The following CSGALNACT1 variants were observed in gnomAD, a reference collection of about 807,000 sequenced individuals.
CSGALNACT1 encodes the protein beta4GalNAcT-1.
CSGALNACT1 carries 52 observed loss-of-function variants against 51.0 expected under a neutral mutation model. That is an observed-to-expected ratio of 1.02 (90% CI 0.82 to 1.29). CSGALNACT1 has a LOEUF of 1.29. CSGALNACT1 is among the 50% of genes most tolerant of loss of function. The pLI, the probability that CSGALNACT1 is intolerant of heterozygous loss-of-function variation, is 0.00. For synonymous variants in CSGALNACT1, 341 were observed against 254.4 expected (o/e 1.34, Z -3.24); for missense variants, 935 against 679.2 (o/e 1.38, Z -4.19).
intron 3 of CSGALNACT1, among the ~76,000 whole-genome samples, chr8:19,538,433 T>G (rs1253789172): frequency 6.6e-6 from 1 of 152,060 alleles, no homozygotes; most frequent in Non-Finnish European, 1.5e-5. Context: ...GAAAATCAGC[T>G]AGGAGGCCAA....
At chr8:19,566,579 T>A (rs1342194161) in intron 3 of CSGALNACT1, among the ~76,000 whole-genome samples, 1 of 152,180 alleles carries the variant, frequency 6.6e-6, no homozygotes, top group Non-Finnish European at 1.5e-5. Context: ...AAAAAAGATG[T>A]TTCCGTTTCT....
chr8:19,404,366 T>C (rs764356650), exon 10 of CSGALNACT1: 14 of 453,974 alleles, frequency 3.1e-5, no homozygotes, highest in South Asian at 2.2e-4. Flanking sequence ...AATTAGCTCA[T>C]GCATCTGGTG....
chr8:19,619,564 G>A (rs2053552324), intron 1 of CSGALNACT1, among the ~76,000 whole-genome samples: 1 of 152,156 alleles, frequency 6.6e-6, no homozygotes, highest in Admixed American at 6.5e-5. Context: ...GAGAAGGACT[G>A]GTGCCAGACT....
At chr8:19,415,752 C>G (rs1220692766) in intron 8 of CSGALNACT1, among the ~76,000 whole-genome samples, 2 of 152,250 alleles carry the variant, frequency 1.3e-5, no homozygotes, top group East Asian at 3.9e-4. Flanking sequence ...TTACTTAAAC[C>G]CAAAGGAACT....
chr8:19,460,297 C>T (rs900119287), intron 4 of CSGALNACT1, among the ~76,000 whole-genome samples: 4 of 151,956 alleles, frequency 2.6e-5, no homozygotes, highest in African/African-American at 9.7e-5. Flanking sequence ...GTTTACATAC[C>T]TTTTATTACC....
intron 1 of CSGALNACT1, among the ~76,000 whole-genome samples, chr8:19,713,642 G>C (rs990497757): frequency 6.6e-6 from 1 of 152,138 alleles, no homozygotes; most frequent in African/African-American, 2.4e-5. Flanking sequence ...CTGGACTGCT[G>C]CAGCTGCAAG....
rs150934865 is a variant in CSGALNACT1 at position 19,639,611 on chromosome 8, G to C, written c.-543-37746C>G. Among the ~76,000 whole-genome samples the C allele has an allele frequency of 3.5e-3, 531 of 152,204 alleles. 3 individuals carry two copies. The highest frequency in any genetic ancestry group is 0.012 in the African/African-American group (513 of 41,524). The stretch of plus-strand genomic sequence containing the variant: ...ATGGGTAATGAATATTGAAAACTAT[G>C]TATCATACCAAGTCTTGGGAGTCAG... On this transcript the variant is annotated intron_variant, in intron 1 of 9. Coordinates refer to the CSGALNACT1 transcript ENST00000332246.
intron 1 of CSGALNACT1, among the ~76,000 whole-genome samples, chr8:19,708,512 GC>G (rs1220046305): frequency 7.2e-5 from 11 of 152,316 alleles, no homozygotes; most frequent in African/African-American, 2.6e-4. Context: ...AAATAAAGCA[GC>G]ATAGCTCCAA....
At chr8:19,528,433 T>C (rs2082125839) in intron 3 of CSGALNACT1, among the ~76,000 whole-genome samples, 1 of 152,164 alleles carries the variant, frequency 6.6e-6, no homozygotes, top group East Asian at 1.9e-4. Context: ...TCCATAATTT[T>C]GTCTAAACAC....
rs779435105 is a variant in CSGALNACT1, at chr8:19,406,037, C to T, written c.1342G>A (p.Gly448Arg). 1.2e-4 allele frequency: 194 copies of T among 1,614,094 alleles called. No individual in the cohort carries two copies. Among genetic ancestry groups the T allele is most frequent in the South Asian group, 6.0e-4 (55 of 91,082 alleles). ...TTGCGATAAAGGTGCACATCCTCTC[C>T]GCCCCAGCCTTTGATGTCCAGATCA... Residue 448 changes from glycine to arginine, a missense_variant, in exon 10 of 10, where the codon GGA (glycine) becomes AGA (arginine). Transcript: ENST00000454498.
exon 8 of CSGALNACT1, chr8:19,418,738 A>T: frequency 6.2e-7 from 1 of 1,609,952 alleles, no homozygotes; most frequent in Non-Finnish European, 8.5e-7. Flanking sequence ...AACTGGATAA[A>T]ATACCTTCTT....
intron 4 of CSGALNACT1, among the ~76,000 whole-genome samples, chr8:19,490,516 C>T (rs1184884972): frequency 6.6e-6 from 1 of 152,194 alleles, no homozygotes; most frequent in Non-Finnish European, 1.5e-5. Flanking sequence ...TGACGGAGAA[C>T]ACCAGAACCT....
intron 3 of CSGALNACT1, among the ~76,000 whole-genome samples, chr8:19,507,870 G>A (rs111575947): frequency 1.4e-3 from 214 of 152,250 alleles, no homozygotes; most frequent in African/African-American, 4.9e-3. Context: ...CTTGTGATCC[G>A]CCCGCCTCGG....
At chr8:19,630,045 T>A (rs1311156677) in intron 1 of CSGALNACT1, among the ~76,000 whole-genome samples, 3 of 152,106 alleles carry the variant, frequency 2.0e-5, no homozygotes, top group Admixed American at 2.0e-4. Context: ...ATGGATGCTA[T>A]GGCAGAGCAA....
intron 1 of CSGALNACT1, among the ~76,000 whole-genome samples, chr8:19,659,280 G>A (rs1373327027): frequency 1.3e-5 from 2 of 152,168 alleles, no homozygotes; most frequent in South Asian, 4.1e-4. Context: ...TTTTGCCTGT[G>A]TCTTGCATTA....
At chr8:19,468,403 C>A (rs1186219596) in intron 4 of CSGALNACT1, among the ~76,000 whole-genome samples, 1 of 152,152 alleles carries the variant, frequency 6.6e-6, no homozygotes, top group African/African-American at 2.4e-5. Flanking sequence ...GGGGTCACAT[C>A]ATGTGGATCC....
chr8:19,713,511 G>C (rs1409989405), intron 1 of CSGALNACT1, among the ~76,000 whole-genome samples: 2 of 152,192 alleles, frequency 1.3e-5, no homozygotes, highest in Non-Finnish European at 2.9e-5. Flanking sequence ...GGTTGCTTCA[G>C]ATGTGGTTAG....
At chr8:19,619,083 G>A (rs76381092) in intron 1 of CSGALNACT1, among the ~76,000 whole-genome samples, 4,004 of 152,112 alleles carry the variant, frequency 0.026, 192 homozygotes, top group African/African-American at 0.091. Context: ...AAATCAGAAG[G>A]CAGTGGGCTA....
intron 4 of CSGALNACT1, among the ~76,000 whole-genome samples, chr8:19,483,055 C>A (rs2153929958): frequency 6.6e-6 from 1 of 152,250 alleles, no homozygotes; most frequent in South Asian, 2.1e-4. Context: ...ATTATCTGAT[C>A]AATTACCAAG....
Sources: gnomAD v4.1 joint callset for allele counts (sites outside exome capture counted in the v4.1 genomes callset) on GRCh38, gnomAD v4.1.1 for gene constraint, MANE v1.5 for transcripts, NCBI Gene and HGNC (gene_info 2026-07-23, HGNC 2026-07-21) for gene names.